The following FOXN3 variants were observed in gnomAD, a reference collection of about 807,000 sequenced individuals.
The protein encoded by FOXN3 is forkhead box protein N3.
In FOXN3, 7 loss-of-function variants were observed where a neutral mutation model predicts 38.4. That is an observed-to-expected ratio of 0.18 (90% CI 0.10 to 0.34). The LOEUF (loss-of-function observed/expected upper bound fraction) is 0.34, where lower values mean the gene tolerates loss of function less well. FOXN3 is among the 10% of genes least tolerant of loss of function. FOXN3 has a pLI of 1.00. For missense variants in FOXN3, 456 were observed against 613.4 expected, an observed-to-expected ratio of 0.74 and a Z score of 2.71; for synonymous variants, 230 against 242.2, an observed-to-expected ratio of 0.95 and a Z score of 0.47.
intron 3 of FOXN3, among the ~76,000 whole-genome samples, chr14:89,317,696 T>C (rs945780732): frequency 6.6e-6 from 1 of 151,966 alleles, no homozygotes; most frequent in African/African-American, 2.4e-5. Flanking sequence ...CAATTGAACC[T>C]ACCTCCTTTC....
At chr14:89,614,000 T>C (rs1896446096) in intron 1 of FOXN3, among the ~76,000 whole-genome samples, 1 of 152,188 alleles carries the variant, frequency 6.6e-6, no homozygotes, top group Non-Finnish European at 1.5e-5. Flanking sequence ...TGACAGCTTC[T>C]GGGATGTAAG....
intron 4 of FOXN3, among the ~76,000 whole-genome samples, chr14:89,246,329 G>T (rs1266599730): frequency 6.6e-6 from 1 of 151,946 alleles, no homozygotes; most frequent in Non-Finnish European, 1.5e-5. Flanking sequence ...TTTTCCCGGG[G>T]CATGATTTCC....
intron 3 of FOXN3, among the ~76,000 whole-genome samples, chr14:89,343,446 T>G (rs1203518283): frequency 6.6e-6 from 1 of 151,236 alleles, no homozygotes; most frequent in South Asian, 2.1e-4. Flanking sequence ...CTCTGTACAA[T>G]TTCTATACCC....
rs554406944 is a variant in FOXN3 at position 89,260,707 on chromosome 14, C to T, written c.745+20243G>A. Among the ~76,000 whole-genome samples, 35 of 152,334 alleles carry T rather than the reference C, an allele frequency of 2.3e-4. No homozygotes were observed. The South Asian group carries it at 7.3e-3, about 32-fold the overall frequency. ...AAAGAGGGGCCCAACTGAAAGCTTC[C>T]CTACCCCCTAATATTTAAGCAGCCC... On this transcript the variant is annotated intron_variant, in intron 4 of 5. Coordinates refer to ENST00000557258, the MANE Select transcript of FOXN3 (RefSeq NM_005197.4).
chr14:89,517,893 C>A (rs1338313017), intron 1 of FOXN3, among the ~76,000 whole-genome samples: 1 of 152,208 alleles, frequency 6.6e-6, no homozygotes, highest in Non-Finnish European at 1.5e-5. Context: ...TTGCTTATTT[C>A]TTCACTGAAG....
chr14:89,390,773 T>C (rs8014209), intron 2 of FOXN3, among the ~76,000 whole-genome samples: 67,364 of 152,006 alleles, frequency 0.44, 16,876 homozygotes, highest in African/African-American at 0.67. Context: ...CTGTAAGAGG[T>C]GCCTCGGTTG....
At chr14:89,377,615 T>G (rs1034203458) in intron 2 of FOXN3, among the ~76,000 whole-genome samples, 2 of 152,196 alleles carry the variant, frequency 1.3e-5, no homozygotes, top group Non-Finnish European at 2.9e-5. Context: ...TTTCTGCATG[T>G]TTGAATTTTC....
chr14:89,343,427 C>A (rs10484026), intron 3 of FOXN3, among the ~76,000 whole-genome samples: 29,979 of 150,740 alleles, frequency 0.2, 3,191 homozygotes, highest in South Asian at 0.38. Context: ...TTTGAATATA[C>A]AGTGACCACT....
At chr14:89,448,132 A>G (rs1892545628) in intron 1 of FOXN3, among the ~76,000 whole-genome samples, 1 of 152,098 alleles carries the variant, frequency 6.6e-6, no homozygotes, top group Non-Finnish European at 1.5e-5. Context: ...TCTTACATGT[A>G]CACATTAAAG....
intron 1 of FOXN3, among the ~76,000 whole-genome samples, chr14:89,598,421 G>C (rs1436489582): frequency 6.6e-6 from 1 of 152,046 alleles, no homozygotes; most frequent in Non-Finnish European, 1.5e-5. Flanking sequence ...GTATAGATCT[G>C]TTCATGATTT....
At chr14:89,609,903 CG>C (rs1380428583) in intron 1 of FOXN3, among the ~76,000 whole-genome samples, 2 of 151,848 alleles carry the variant, frequency 1.3e-5, no homozygotes, top group Non-Finnish European at 2.9e-5. Context: ...GCGGGGGCGG[CG>C]GCGGCTGGCG....
rs1479208537 is a variant in FOXN3, at chr14:89,161,421, A to G, written c.*993T>C. 1 of 141,912 alleles carries G rather than the reference A, an allele frequency of 7.0e-6. No homozygotes were observed. Among genetic ancestry groups the G allele is most frequent in the Admixed American group, 7.3e-5 (1 of 13,706 alleles). 8.8% of individuals were successfully genotyped at this position (141,912 alleles called of 1,614,324 possible). A position where few individuals can be genotyped will look rare whatever the true frequency, so the allele number is the denominator to read the frequency against. ...TTTTCACTTGGATCAAATAGTTTTGATAGACAGAAAAAGATCTGTACCATT... is the reference window on the plus strand; with the variant it reads ...TTTTCACTTGGATCAAATAGTTTTGGTAGACAGAAAAAGATCTGTACCATT... On this transcript the variant is annotated 3_prime_UTR_variant, in exon 6 of 6. Transcript: ENST00000557258.
chr14:89,258,872 T>G (rs1885709248), intron 4 of FOXN3, among the ~76,000 whole-genome samples: 1 of 152,222 alleles, frequency 6.6e-6, no homozygotes, highest in African/African-American at 2.4e-5. Flanking sequence ...ACACCCTCTT[T>G]CCTTACTAGG....
At chr14:89,424,196 T>A (rs1006545905) in intron 1 of FOXN3, among the ~76,000 whole-genome samples, 9 of 152,210 alleles carry the variant, frequency 5.9e-5, no homozygotes, top group African/African-American at 1.7e-4. Context: ...TCCCTTTCAT[T>A]TGCATTTTCC....
chr14:89,178,394 C>T (rs1036614386), intron 5 of FOXN3, among the ~76,000 whole-genome samples: 1 of 152,192 alleles, frequency 6.6e-6, no homozygotes, highest in Non-Finnish European at 1.5e-5. Context: ...AAGTGATCCT[C>T]CTGCCTCAGC....
intron 2 of FOXN3, chr14:89,364,803 C>A (rs1262877331): frequency 6.6e-6 from 1 of 152,208 alleles, no homozygotes; most frequent in East Asian, 1.9e-4. Context: ...CAGAACGCCC[C>A]TCCATCTGCA....
chr14:89,221,103 T>C (rs1236133901), intron 4 of FOXN3, among the ~76,000 whole-genome samples: 2 of 152,130 alleles, frequency 1.3e-5, no homozygotes, highest in African/African-American at 4.8e-5. Flanking sequence ...CAGAAGCCTG[T>C]GTGTGTAATA....
chr14:89,351,439 C>T (rs1010182398), intron 2 of FOXN3: 1 of 152,192 alleles, frequency 6.6e-6, no homozygotes, highest in Non-Finnish European at 1.5e-5. Context: ...TTCCTCAGTT[C>T]CCAGCAATCG....
chr14:89,169,602 A>G (rs1397115688), intron 5 of FOXN3, among the ~76,000 whole-genome samples: 5 of 152,176 alleles, frequency 3.3e-5, no homozygotes, highest in African/African-American at 1.2e-4. Flanking sequence ...GAAATGTAGC[A>G]TATCAATTGG....
Sources: allele counts gnomAD v4.1 joint callset (sites outside exome capture counted in the v4.1 genomes callset), GRCh38; gene constraint gnomAD v4.1.1; transcripts MANE v1.5; gene names NCBI Gene and HGNC (gene_info 2026-07-23, HGNC 2026-07-21).